The following RBFOX1 variants were observed in gnomAD, a reference collection of about 807,000 sequenced individuals.
RBFOX1 encodes the protein RNA binding fox-1 homolog 1, also known as RNA binding protein fox-1 homolog 1.
In RBFOX1, 8 loss-of-function variants were observed where a neutral mutation model predicts 57.7. The observed-to-expected ratio is 0.14, with a 90% confidence interval of 0.08 to 0.25. The LOEUF (loss-of-function observed/expected upper bound fraction) is 0.25. Ranked by LOEUF, RBFOX1 falls within the 10% of genes least tolerant of loss-of-function variation. The pLI, the probability that RBFOX1 is intolerant of heterozygous loss-of-function variation, is 1.00. For synonymous variants in RBFOX1, 326 were observed against 222.4 expected (o/e 1.47, Z -4.15); for missense variants, 611 against 548.5 (o/e 1.11, Z -1.14).
At chr16:7,415,366 C>G (rs1022496620) in intron 4 of RBFOX1, among the ~76,000 whole-genome samples, 2 of 152,154 alleles carry the variant, frequency 1.3e-5, no homozygotes, top group East Asian at 1.9e-4. Context: ...AAATACAGAT[C>G]TAGAGGGTAG....
intron 4 of RBFOX1, among the ~76,000 whole-genome samples, chr16:7,335,584 G>GAAAAAAAAAAA (rs959362612): frequency 1.3e-5 from 1 of 74,652 alleles, no homozygotes; most frequent in African/African-American, 6.1e-5. Flanking sequence ...CTCAGATAAA[G>GAAAAAAAAAAA]AAAAAAAAAA....
intron 3 of RBFOX1, among the ~76,000 whole-genome samples, chr16:5,730,372 G>C (rs1405745074): frequency 1.3e-5 from 2 of 152,140 alleles, no homozygotes; most frequent in Non-Finnish European, 2.9e-5. Flanking sequence ...GCCTAGAGTG[G>C]AGCCGGCAAG....
At chr16:5,331,689 G>C (rs532661289) in intron 1 of RBFOX1, among the ~76,000 whole-genome samples, 3 of 152,376 alleles carry the variant, frequency 2.0e-5, no homozygotes, top group African/African-American at 7.2e-5. Context: ...AAGTCACATG[G>C]CCAGAGGGTA....
intron 3 of RBFOX1, among the ~76,000 whole-genome samples, chr16:5,673,497 C>G (rs1207594943): frequency 6.6e-6 from 1 of 152,204 alleles, no homozygotes; most frequent in Non-Finnish European, 1.5e-5. Flanking sequence ...TTTCCATGTT[C>G]AAGCCTCAGC....
intron 4 of RBFOX1, among the ~76,000 whole-genome samples, chr16:7,072,993 T>C (rs142553297): frequency 4.1e-4 from 62 of 152,336 alleles, no homozygotes; most frequent in African/African-American, 1.3e-3. Flanking sequence ...AAGCCACTTA[T>C]GTGCAGGGTC....
intron 4 of RBFOX1, among the ~76,000 whole-genome samples, chr16:7,357,153 T>C (rs949803484): frequency 6.6e-6 from 1 of 151,726 alleles, no homozygotes; most frequent in Non-Finnish European, 1.5e-5. Context: ...GGGGCTAGCA[T>C]GTAGGAACAC....
At chr16:6,790,493 C>T (rs1249185377) in intron 3 of RBFOX1, among the ~76,000 whole-genome samples, 3 of 152,136 alleles carry the variant, frequency 2.0e-5, no homozygotes, top group East Asian at 1.9e-4. Context: ...CGCCCTCCAT[C>T]GTTCTTTTTG....
At chr16:7,663,349 T>C (rs3785216) in intron 12 of RBFOX1, among the ~76,000 whole-genome samples, 18,946 of 152,194 alleles carry the variant, frequency 0.12, 1,585 homozygotes, top group East Asian at 0.36. Flanking sequence ...CTGAAAGCTA[T>C]TCCTACCAAC....
At chr16:6,384,432 G>T (rs1441637340) in intron 2 of RBFOX1, among the ~76,000 whole-genome samples, 2 of 152,086 alleles carry the variant, frequency 1.3e-5, no homozygotes, top group African/African-American at 4.8e-5. Flanking sequence ...TGGCATCCCT[G>T]CTTTAATTCT....
intron 14 of RBFOX1, among the ~76,000 whole-genome samples, chr16:7,680,795 C>T (rs750222928): frequency 2.6e-5 from 4 of 152,096 alleles, no homozygotes; most frequent in Non-Finnish European, 5.9e-5. Context: ...CATATTGGCT[C>T]TGTTGTAATA....
At chr16:6,957,985 C>A (rs779348746) in intron 3 of RBFOX1, among the ~76,000 whole-genome samples, 1 of 152,150 alleles carries the variant, frequency 6.6e-6, no homozygotes, top group Admixed American at 6.6e-5. Context: ...ACAGGACCAG[C>A]TCCTGCATAG....
chr16:5,606,308 T>C (rs72763281), intron 3 of RBFOX1, among the ~76,000 whole-genome samples: 8,577 of 152,166 alleles, frequency 0.056, 352 homozygotes, highest in African/African-American at 0.12. Context: ...GGCTATCCTT[T>C]CTGCTTGAAT....
chr16:5,655,647 G>C (rs2049402349), intron 3 of RBFOX1, among the ~76,000 whole-genome samples: 1 of 152,190 alleles, frequency 6.6e-6, no homozygotes, highest in Non-Finnish European at 1.5e-5. Context: ...CTTTGTTCAA[G>C]CTTTGCAGGC....
In RBFOX1 at chr16:7,336,025, G is replaced by A. The variant is rs879696603; in HGVS notation, c.28-182122G>A. On this transcript the variant is annotated intron_variant, in intron 4 of 15. Transcript: ENST00000550418. Reference sequence around the variant, plus strand: ...ATTGGCTGCTTTCCCCCTTGATAGAGATCCCGATGTTGATATCTTTGGATA... The same window carrying A: ...ATTGGCTGCTTTCCCCCTTGATAGAAATCCCGATGTTGATATCTTTGGATA... Among the ~76,000 whole-genome samples the A allele has an allele frequency of 3.3e-5, 5 of 152,208 alleles. No individual in the cohort carries two copies. The East Asian group carries it at 5.8e-4, about 18-fold the overall frequency.
At chr16:6,338,084 A>T (rs1057430916) in intron 2 of RBFOX1, among the ~76,000 whole-genome samples, 8 of 152,226 alleles carry the variant, frequency 5.3e-5, no homozygotes, top group African/African-American at 1.9e-4. Flanking sequence ...TGTCTGCAAT[A>T]TGTGAAATAC....
intron 3 of RBFOX1, among the ~76,000 whole-genome samples, chr16:7,036,668 C>G (rs569252671): frequency 1.3e-4 from 19 of 150,896 alleles, no homozygotes; most frequent in African/African-American, 4.2e-4. Context: ...ACTCCAGCCT[C>G]GTCGAAAGAG....
At chr16:6,015,435 A>C (rs948827956), upstream of RBFOX1, among the ~76,000 whole-genome samples, 4 of 152,206 alleles carry the variant, frequency 2.6e-5, no homozygotes, top group Non-Finnish European at 4.4e-5. Context: ...GTAATGGTGC[A>C]TCTTGAAAAG....
At chr16:7,319,009 T>C (rs1199695755) in intron 4 of RBFOX1, among the ~76,000 whole-genome samples, 1 of 152,150 alleles carries the variant, frequency 6.6e-6, no homozygotes, top group Non-Finnish European at 1.5e-5. Flanking sequence ...ACACTAAAAG[T>C]TGGGCATCAT....
At chr16:6,746,809 A>C (rs1383240269) in intron 3 of RBFOX1, among the ~76,000 whole-genome samples, 1 of 152,196 alleles carries the variant, frequency 6.6e-6, no homozygotes, top group Non-Finnish European at 1.5e-5. Flanking sequence ...AAAGTTTGCT[A>C]GTGATCCCAA....
Sources: allele counts gnomAD v4.1 joint callset (sites outside exome capture counted in the v4.1 genomes callset), GRCh38; gene constraint gnomAD v4.1.1; transcripts MANE v1.5; gene names NCBI Gene and HGNC (gene_info 2026-07-23, HGNC 2026-07-21).